The following TANC2 variants were observed in gnomAD, a reference collection of about 807,000 sequenced individuals.
The protein encoded by TANC2 is protein TANC2.
TANC2 carries 26 observed loss-of-function variants against 210.5 expected under a neutral mutation model. The observed-to-expected ratio is 0.12, with a 90% CI of 0.09 to 0.17. The LOEUF is 0.17. Ranked by LOEUF, TANC2 falls within the 10% of genes least tolerant of loss-of-function variation. The pLI, the probability that TANC2 is intolerant of heterozygous loss-of-function variation, is 1.00. For missense variants in TANC2, 2,129 were observed against 2,608.9 expected (o/e 0.82, Z 4.01); for synonymous variants, 931 against 967.1 (o/e 0.96, Z 0.69).
In TANC2 at chr17:63,420,630, A is replaced by C; in HGVS notation, c.4900A>C (p.Ser1634Arg). The C allele has an allele frequency of 6.2e-7, 1 of 1,613,902 alleles. No individual in the cohort carries two copies. Among genetic ancestry groups the C allele is most frequent in the Non-Finnish European group, 8.5e-7 (1 of 1,179,846 alleles). ...GTATCGGGCCAGCCCTCCAGCTGAA[A>C]GTATGAGTGTCTATAGATCCCAGTC... The change falls in exon 28 of 28, where the codon AGT (serine) becomes CGT (arginine). Residue 1634 changes from serine (S) to arginine (R), a missense_variant. By Grantham distance (110) the Ser-to-Arg change is moderately radical. This residue lies in a region of TANC2 where 584 missense variants were observed against 627.3 expected (regional missense o/e 0.93). Coordinates refer to ENST00000689528, the Ensembl canonical transcript of TANC2. The surrounding 1 kb of genome is among the most constrained non-coding windows in gnomAD (Gnocchi z 4.2).
Position 63,140,697 on chromosome 17 carries a change from A to G in TANC2, c.323-10573A>G, listed in dbSNP as rs140191162. Among the ~76,000 whole-genome samples, 345 of 152,272 alleles carry G rather than the reference A, an allele frequency of 2.3e-3. 1 individual carries two copies. Among genetic ancestry groups the G allele is most frequent in the Non-Finnish European group, 4.2e-3 (286 of 68,024 alleles). On this transcript the variant is annotated intron_variant, in intron 4 of 27. Coordinates refer to ENST00000689528, the Ensembl canonical transcript of TANC2. ...CTATTTACTGCCGTTTTTATGGATG[A>G]TTTTAAATCATCTTTTACATCCTAA...
exon 28 of TANC2, chr17:63,425,458 A>C (rs1167796013): frequency 6.6e-6 from 1 of 152,262 alleles, no homozygotes; most frequent in Non-Finnish European, 1.5e-5. Flanking sequence ...ACCCAATAGA[A>C]AAAATTAAAA....
chr17:63,211,665 GGTATT>G (rs1367789725), intron 7 of TANC2, among the ~76,000 whole-genome samples: 2 of 151,850 alleles, frequency 1.3e-5, no homozygotes, highest in East Asian at 3.9e-4. Flanking sequence ...TTTAACACAT[GGTATT>G]ATGCATAGTT....
At chr17:63,383,251 G>C (rs931115105) in intron 15 of TANC2, among the ~76,000 whole-genome samples, 1 of 152,116 alleles carries the variant, frequency 6.6e-6, no homozygotes. Flanking sequence ...TCCACTCTGT[G>C]TTGTACAGCT....
intron 2 of TANC2, among the ~76,000 whole-genome samples, chr17:63,029,723 G>A (rs1002335779): frequency 6.6e-6 from 1 of 152,042 alleles, no homozygotes; most frequent in Non-Finnish European, 1.5e-5. Flanking sequence ...ATATTTCCTA[G>A]TCTCAGGGAG....
intron 4 of TANC2, among the ~76,000 whole-genome samples, chr17:63,132,055 T>C (rs1344572781): frequency 6.6e-6 from 1 of 152,232 alleles, no homozygotes; most frequent in Non-Finnish European, 1.5e-5. Flanking sequence ...GTTTTCCTCC[T>C]TAACATTTGT....
intron 26 of TANC2, among the ~76,000 whole-genome samples, chr17:63,416,556 G>T (rs2147384500): frequency 6.6e-6 from 1 of 152,308 alleles, no homozygotes; most frequent in East Asian, 1.9e-4. Flanking sequence ...ATCCATTCCA[G>T]ACCCTAAACC....
intron 8 of TANC2, among the ~76,000 whole-genome samples, chr17:63,256,037 C>G (rs1455087794): frequency 6.6e-6 from 1 of 151,286 alleles, no homozygotes; most frequent in Non-Finnish European, 1.5e-5. Flanking sequence ...TCCGGAGTAG[C>G]TGGGATTACA....
chr17:63,069,319 T>C (rs1335546380), intron 2 of TANC2, among the ~76,000 whole-genome samples: 1 of 152,138 alleles, frequency 6.6e-6, no homozygotes, highest in Non-Finnish European at 1.5e-5. Flanking sequence ...AATTCTAGAA[T>C]ATTTAGCAGC....
chr17:62,974,739 A>G lies in TANC2; in HGVS notation c.-24+7990A>G, dbSNP rs1204839465. On this transcript the variant is annotated intron_variant, in intron 1 of 27. Transcript: ENST00000689528. ...ATGTACCATACTATTAATATTTGCC[A>G]CTTCCCTGAAGTTCAGTAAGCCAAT... Among the ~76,000 whole-genome samples the G allele has an allele frequency of 2.0e-5, 3 of 152,166 alleles. No individual in the cohort carries two copies. The East Asian group carries it at 5.8e-4, about 29-fold the overall frequency.
intron 2 of TANC2, among the ~76,000 whole-genome samples, chr17:63,027,729 A>C (rs1241761334): frequency 6.6e-6 from 1 of 152,100 alleles, no homozygotes; most frequent in Non-Finnish European, 1.5e-5. Flanking sequence ...GTGCGATATT[A>C]AAGGGAGAGC....
intron 3 of TANC2, 105 bp from the exon 4 acceptor site, chr17:63,099,070 C>T: frequency 8.6e-7 from 1 of 1,167,256 alleles, no homozygotes; most frequent in African/African-American, 1.5e-5. Context: ...TTTGATTTTT[C>T]ACAGTGAAAA....
chr17:63,360,438 A>G (rs1402689577), intron 14 of TANC2, among the ~76,000 whole-genome samples: 3 of 152,232 alleles, frequency 2.0e-5, no homozygotes, highest in Non-Finnish European at 4.4e-5. Flanking sequence ...AGCAGAGAAA[A>G]GAGAATGTAC....
intron 19 of TANC2, among the ~76,000 whole-genome samples, chr17:63,401,341 A>G (rs962398735): frequency 6.6e-6 from 1 of 152,206 alleles, no homozygotes; most frequent in African/African-American, 2.4e-5. Context: ...CACTTACTCT[A>G]TCAAATCTAA....
At chr17:62,976,679 A>G (rs561102588) in intron 1 of TANC2, among the ~76,000 whole-genome samples, 2 of 152,152 alleles carry the variant, frequency 1.3e-5, no homozygotes, top group Non-Finnish European at 2.9e-5. Context: ...TTATTCAAAG[A>G]TCCGTGCTAA....
rs149345273 is a variant in TANC2, at chr17:63,317,145, C to T, written c.1442-1812C>T. Reference sequence around the variant, plus strand: ...CTGGAGTTCCCAACTTCTTTCTCTGCATCATCTGTCATTCTTTCTTCTGCC... The same window carrying T: ...CTGGAGTTCCCAACTTCTTTCTCTGTATCATCTGTCATTCTTTCTTCTGCC... On this transcript the variant is annotated intron_variant, in intron 10 of 27. Coordinates refer to ENST00000689528, the Ensembl canonical transcript of TANC2. 4.7e-4 allele frequency among the ~76,000 whole-genome samples: 72 copies of T among 152,110 alleles called. No homozygotes were observed. The Middle Eastern group carries it at 0.01, about 22-fold the overall frequency.
At chr17:63,185,431 T>C (rs1156738969) in intron 5 of TANC2, among the ~76,000 whole-genome samples, 1 of 152,202 alleles carries the variant, frequency 6.6e-6, no homozygotes, top group Non-Finnish European at 1.5e-5. Flanking sequence ...ATGAACAGTT[T>C]TATGAACATT....
intron 12 of TANC2, 65 bp downstream of exon 12, chr17:63,340,397 C>T (rs1033550038): frequency 7.4e-7 from 1 of 1,342,580 alleles, no homozygotes; most frequent in African/African-American, 1.5e-5. Flanking sequence ...CCGGGTCATA[C>T]TATAAAAATG....
At chr17:63,099,070 C>A in intron 3 of TANC2, 105 bp from the exon 4 acceptor site, 1 of 1,167,250 alleles carries the variant, frequency 8.6e-7, no homozygotes, top group Non-Finnish European at 1.2e-6. Context: ...TTTGATTTTT[C>A]ACAGTGAAAA....
Sources: allele counts gnomAD v4.1 joint callset (sites outside exome capture counted in the v4.1 genomes callset), GRCh38; gene constraint gnomAD v4.1.1; regional missense constraint gnomAD v4.1.1; non-coding constraint Gnocchi (gnomAD v3.1); transcripts MANE v1.5; gene names NCBI Gene and HGNC (gene_info 2026-07-23, HGNC 2026-07-21).